The following CSMD2 variants were observed in gnomAD, a reference collection of about 807,000 sequenced individuals.
The protein encoded by CSMD2 is CUB and Sushi multiple domains 2.
A neutral mutation model predicts 398.5 loss-of-function variants in CSMD2; 130 were observed. The observed-to-expected ratio is 0.33, with a 90% confidence interval of 0.28 to 0.38. The LOEUF (loss-of-function observed/expected upper bound fraction) is 0.38. Among genes scored for constraint, CSMD2 ranks in the 10% least tolerant of loss-of-function variants. The probability of loss-of-function intolerance (pLI) is 1.00; values close to 1 mark genes in which losing one functional copy is unlikely to be tolerated. For synonymous variants in CSMD2, 1,828 were observed against 1,908.5 expected, an observed-to-expected ratio of 0.96 and a Z score of 1.10; for missense variants, 3,829 against 4,764.9, an observed-to-expected ratio of 0.80 and a Z score of 5.78.
At chr1:33,945,328 C>T (rs79152247) in intron 3 of CSMD2, among the ~76,000 whole-genome samples, 1,907 of 152,194 alleles carry the variant, frequency 0.013, 37 homozygotes, top group African/African-American at 0.044. Flanking sequence ...ATTTGAAATT[C>T]AAATTTAACT....
At chr1:33,634,153 G>C (rs1219999461) in intron 31 of CSMD2, among the ~76,000 whole-genome samples, 1 of 152,218 alleles carries the variant, frequency 6.6e-6, no homozygotes, top group Non-Finnish European at 1.5e-5. Context: ...ATATTGGGGA[G>C]TGTGTGTACA....
intron 1 of CSMD2, among the ~76,000 whole-genome samples, chr1:34,103,815 C>T (rs1660265195): frequency 6.6e-6 from 1 of 152,110 alleles, no homozygotes. Flanking sequence ...AAAATACTCA[C>T]CAACTTCATT....
intron 25 of CSMD2, among the ~76,000 whole-genome samples, chr1:33,673,765 G>A (rs1006640773): frequency 1.1e-4 from 17 of 152,288 alleles, no homozygotes; most frequent in South Asian, 4.1e-4. Context: ...CTGACCTCTC[G>A]GCAGAAACTC....
intron 66 of CSMD2, 104 bp from the exon 67 acceptor site, chr1:33,523,523 T>C (rs923279131): frequency 1.6e-6 from 1 of 640,592 alleles, no homozygotes; most frequent in Non-Finnish European, 2.8e-6. Context: ...ATTTCATGTG[T>C]AGATGTTGAT....
At chr1:34,063,211 G>C (rs1654721048) in intron 2 of CSMD2, among the ~76,000 whole-genome samples, 1 of 152,144 alleles carries the variant, frequency 6.6e-6, no homozygotes, top group African/African-American at 2.4e-5. Flanking sequence ...TCCAACCCTG[G>C]CCCCTCCAAA....
At chr1:33,913,840 G>C (rs563877113) in intron 5 of CSMD2, among the ~76,000 whole-genome samples, 1 of 152,174 alleles carries the variant, frequency 6.6e-6, no homozygotes, top group East Asian at 1.9e-4. Context: ...GAGAGACTCA[G>C]ATGGAGAGTG....
At chr1:33,621,944 T>C (rs1324435648) in intron 37 of CSMD2, among the ~76,000 whole-genome samples, 1 of 152,204 alleles carries the variant, frequency 6.6e-6, no homozygotes, top group African/African-American at 2.4e-5. Context: ...GTGTGGATAC[T>C]GAACAGGCAT....
At chr1:33,689,899 G>A (rs1645178571) in intron 25 of CSMD2, among the ~76,000 whole-genome samples, 1 of 152,148 alleles carries the variant, frequency 6.6e-6, no homozygotes, top group Non-Finnish European at 1.5e-5. Context: ...CGGTAGGTAC[G>A]CGGGTACTTG....
At chr1:33,599,902 AC>A in intron 44 of CSMD2, 1 of 490,494 alleles carries the variant, frequency 2.0e-6, no homozygotes, top group Non-Finnish European at 3.6e-6. Flanking sequence ...TGATGTAATA[AC>A]ACTGTATAGT....
chr1:33,584,672 A>AT (rs966357050), intron 46 of CSMD2, among the ~76,000 whole-genome samples: 24 of 150,640 alleles, frequency 1.6e-4, no homozygotes, highest in Admixed American at 2.6e-4. Context: ...TCTCAAAAAA[A>AT]ATATATCTAT....
intron 19 of CSMD2, among the ~76,000 whole-genome samples, chr1:33,719,863 G>A (rs1180467056): frequency 1.3e-5 from 2 of 152,186 alleles, no homozygotes; most frequent in Admixed American, 1.3e-4. Context: ...GCACACAGTA[G>A]GGGTGCAACA....
Position 33,714,905 on chromosome 1 carries a change from C to T in CSMD2, c.3218-130G>A, listed in dbSNP as rs547190478. 3.9e-4 allele frequency: 326 copies of T among 835,748 alleles called. 1 individual carries two copies. Among genetic ancestry groups the T allele is most frequent in the Non-Finnish European group, 5.2e-4 (279 of 533,578 alleles). 51.8% of individuals were successfully genotyped at this position (835,748 alleles called of 1,614,324 possible). Reference sequence around the variant, plus strand: ...AACGAAAGACAGAGAAGAGGGCATGCGCACACTGGCCCACAAAAGGTGACA... The same window carrying T: ...AACGAAAGACAGAGAAGAGGGCATGTGCACACTGGCCCACAAAAGGTGACA... On this transcript the variant is annotated intron_variant, in intron 20 of 70. Coordinates refer to ENST00000373381, the MANE Select transcript of CSMD2 (RefSeq NM_001281956.2).
intron 5 of CSMD2, among the ~76,000 whole-genome samples, chr1:33,868,001 C>A (rs982981303): frequency 6.6e-6 from 1 of 152,092 alleles, no homozygotes; most frequent in South Asian, 2.1e-4. Flanking sequence ...CATTAACAGT[C>A]CTTTATGAAA....
At chr1:33,570,141 C>T (rs1164042738) in intron 51 of CSMD2, among the ~76,000 whole-genome samples, 1 of 150,162 alleles carries the variant, frequency 6.7e-6, no homozygotes, top group Non-Finnish European at 1.5e-5. Context: ...GCAAAGACAA[C>T]AGTGTCATGA....
intron 45 of CSMD2, 140 bp downstream of exon 45, chr1:33,586,948 C>T: frequency 1.5e-6 from 1 of 652,130 alleles, no homozygotes; most frequent in African/African-American, 1.8e-5. Context: ...GGGCAGAACC[C>T]TCTGGCACAG....
chr1:34,043,229 T>C (rs1241226973), intron 2 of CSMD2, among the ~76,000 whole-genome samples: 1 of 152,136 alleles, frequency 6.6e-6, no homozygotes, highest in Non-Finnish European at 1.5e-5. Context: ...ATACTGTCCT[T>C]GAAGGTGCCA....
intron 5 of CSMD2, among the ~76,000 whole-genome samples, chr1:33,853,651 T>A (rs1456474977): frequency 3.4e-5 from 2 of 58,622 alleles, no homozygotes; most frequent in African/African-American, 1.3e-4. Context: ...GCATTGAGGG[T>A]GGGGGTGGGA....
intron 1 of CSMD2, among the ~76,000 whole-genome samples, chr1:34,125,681 A>G (rs1308921648): frequency 1.3e-5 from 2 of 152,204 alleles, no homozygotes; most frequent in African/African-American, 4.8e-5. Context: ...AAGTTATTTA[A>G]TAAGAATGTC....
chr1:34,163,459 C>T lies in CSMD2; in HGVS notation c.187+1452G>A, dbSNP rs1641549501. Among the ~76,000 whole-genome samples, 1 of 152,130 alleles carries T rather than the reference C, an allele frequency of 6.6e-6. No homozygotes were observed. Among genetic ancestry groups the T allele is most frequent in the South Asian group, 2.1e-4 (1 of 4,828 alleles). On this transcript the variant is annotated intron_variant, in intron 1 of 70. Coordinates refer to ENST00000373381, the MANE Select transcript of CSMD2 (RefSeq NM_001281956.2). The surrounding 1 kb of genome is among the most constrained non-coding windows in gnomAD (Gnocchi z 5.4). The stretch of plus-strand genomic sequence containing the variant: ...GGGGCGCCCTCCCTGACCAAGAACC[C>T]CAACATGCCGCGGTTAAGCGGTGGG...
Sources: gnomAD v4.1 joint callset for allele counts (sites outside exome capture counted in the v4.1 genomes callset) on GRCh38, gnomAD v4.1.1 for gene constraint, Gnocchi (gnomAD v3.1) non-coding constraint, MANE v1.5 for transcripts, NCBI Gene and HGNC (gene_info 2026-07-23, HGNC 2026-07-21) for gene names.